The following AKAP4 variants were observed in gnomAD, a reference collection of about 807,000 sequenced individuals.
AKAP4 encodes the protein A-kinase anchoring protein 4, also known as A-kinase anchor protein 4.
AKAP4 carries 4 observed loss-of-function variants against 42.6 expected under a neutral mutation model. That is an observed-to-expected ratio of 0.09 (90% CI 0.05 to 0.22). The LOEUF (loss-of-function observed/expected upper bound fraction) is 0.22. Among genes scored for constraint, AKAP4 ranks in the 10% least tolerant of loss-of-function variants. AKAP4 has a pLI of 1.00. For missense variants in AKAP4, 551 were observed against 630.7 expected (o/e 0.87, Z 1.35); for synonymous variants, 223 against 233.0 (o/e 0.96, Z 0.39).
rs192264917 is a variant in AKAP4, at chrX:50,200,951, C to A, written c.-62G>T. On this transcript the variant is annotated 5_prime_UTR_variant, in exon 1 of 6. Coordinates refer to ENST00000358526, the MANE Select transcript of AKAP4 (RefSeq NM_003886.3). Reference sequence around the variant, plus strand: ...ATGCTGTGATGACTCTTCCAGTCTGCCTCAAGATACTGCTTTTTTCTTCAA... The same window carrying A: ...ATGCTGTGATGACTCTTCCAGTCTGACTCAAGATACTGCTTTTTTCTTCAA... 1,042 of 1,093,394 alleles carry A rather than the reference C, an allele frequency of 9.5e-4. 10 individuals are homozygous for A. The African/African-American group carries it at 0.017, about 18-fold the overall frequency. The allele number at this position is 1,093,394 out of a possible 1,213,427, so 90.1% of individuals were successfully genotyped here.
chrX:50,193,348 G>C lies in AKAP4; in HGVS notation c.1365C>G (p.Ser455=), dbSNP rs1602166447. The part of the protein sequence containing the change: ...SLSYASLKAG[S]HDPKCRNQSL... ...TCTGATTCCTGCATTTGGGATCATG[G>C]GACCCAGCTTTTAAAGATGCATATG... Residue 455 remains serine, a synonymous_variant, in exon 5 of 6, where the codon TCC becomes TCG. Transcript: ENST00000358526. 1 of 1,211,328 alleles carries C rather than the reference G, an allele frequency of 8.3e-7. No homozygotes were observed. Among genetic ancestry groups the C allele is most frequent in the Non-Finnish European group, 1.1e-6 (1 of 895,472 alleles).
At position 50,198,689 on chromosome X, in the gene AKAP4, G is replaced by C. The variant is rs782114976; in HGVS notation, c.91C>G (p.Pro31Ala). The C allele has an allele frequency of 8.3e-7, 1 of 1,209,328 alleles. No individual in the cohort carries two copies. The highest frequency in any genetic ancestry group is 1.1e-6 in the Non-Finnish European group (1 of 894,049). Reference sequence around the variant, plus strand: ...CGGTCCTGATCTTGCTGTCCTTCTGGGTTGTAGAGATCTACCTTGCACACA... The same window carrying C: ...CGGTCCTGATCTTGCTGTCCTTCTGCGTTGTAGAGATCTACCTTGCACACA... Reference protein sequence around the residue: ...RGVCKVDLYNPEGQQDQDRKV... With the variant: ...RGVCKVDLYNAEGQQDQDRKV... Residue 31 changes from proline to alanine, a missense_variant, in exon 2 of 6, where the codon CCA (proline) becomes GCA (alanine). By Grantham distance (27) the Pro-to-Ala change is conservative (BLOSUM62 -1). Coordinates refer to ENST00000358526, the MANE Select transcript of AKAP4 (RefSeq NM_003886.3).
Position 50,193,017 on chromosome X carries a change from A to G in AKAP4, c.1696T>C (p.Cys566Arg), listed in dbSNP as rs373820674. 6 of 1,211,713 alleles carry G rather than the reference A, an allele frequency of 5.0e-6. No homozygotes were observed. The highest frequency in any genetic ancestry group is 6.7e-6 in the Non-Finnish European group (6 of 895,489). ...LTQQTKGKDT[C>R]EEDCPGSTMG... ...GTGGAACCAGGACAGTCTTCTTCAC[A>G]TGTATCTTTGCCCTTAGTCTGCTGG... is the stretch of plus-strand genomic sequence containing the variant. Residue 566 changes from cysteine to arginine, a missense_variant, in exon 5 of 6, where the codon TGT becomes CGT. Cys to Arg is a radical substitution (Grantham distance 180). Transcript: ENST00000358526.
chrX:50,196,717 G>GTGT (rs1935195723), intron 4 of AKAP4, among the ~76,000 whole-genome samples, 174 bp downstream of exon 4: 3 of 111,582 alleles, frequency 2.7e-5, no homozygotes, highest in African/African-American at 9.8e-5. Context: ...AAGTACCTGG[G>GTGT]TGTTGAACTT....
At chrX:50,191,332 T>C (rs1007490759) in intron 5 of AKAP4, among the ~76,000 whole-genome samples, 1 of 111,413 alleles carries the variant, frequency 9.0e-6, no homozygotes, top group African/African-American at 3.3e-5. Context: ...ACTTCTCTAA[T>C]GACATAGATC....
Position 50,194,440 on chromosome X carries a change from A to T in AKAP4, c.277-4T>A. 1 of 1,180,849 alleles carries T rather than the reference A, an allele frequency of 8.5e-7. No individual in the cohort carries two copies. The highest frequency in any genetic ancestry group is 1.1e-6 in the Non-Finnish European group (1 of 878,611). On this transcript the variant is annotated splice_region_variant and splice_polypyrimidine_tract_variant and intron_variant, in intron 4 of 5. Coordinates refer to ENST00000358526, the MANE Select transcript of AKAP4 (RefSeq NM_003886.3). ...AAAGGCATACAGATCCCTCTGTCTA[A>T]AAAAAGAAGAAGACCTATCCATAAG...
chrX:50,195,132 T>C (rs1557204224), intron 4 of AKAP4, among the ~76,000 whole-genome samples: 2 of 112,371 alleles, frequency 1.8e-5, no homozygotes, highest in Admixed American at 9.5e-5. Flanking sequence ...TTCATTAATA[T>C]AATAGATACA....
chrX:50,190,846 G>T lies in AKAP4; in HGVS notation c.*114C>A. On this transcript the variant is annotated 3_prime_UTR_variant, in exon 6 of 6. Transcript: ENST00000358526. ...TACATTCACAGGCAACTGCTCAAGTGTATTGGGAAATACAGTTGTGTATTG... is the reference window on the plus strand; with the variant it reads ...TACATTCACAGGCAACTGCTCAAGTTTATTGGGAAATACAGTTGTGTATTG... The T allele has an allele frequency of 1.1e-6, 1 of 884,634 alleles. No homozygotes were observed. Among genetic ancestry groups the T allele is most frequent in the Non-Finnish European group, 1.6e-6 (1 of 641,018 alleles). 72.9% of individuals were successfully genotyped at this position (884,634 alleles called of 1,213,427 possible). A position where few individuals can be genotyped will look rare whatever the true frequency, so the allele number is the denominator to read the frequency against.
intron 5 of AKAP4, among the ~76,000 whole-genome samples, chrX:50,191,680 G>GAGAGAGAC (rs1935114559): frequency 5.6e-5 from 6 of 107,210 alleles, no homozygotes; most frequent in African/African-American, 2.0e-4. Context: ...AAGAGAGAGA[G>GAGAGAGAC]AGAGAGACAG....
chrX:50,195,578 G>A (rs1935180152), intron 4 of AKAP4, among the ~76,000 whole-genome samples: 1 of 111,311 alleles, frequency 9.0e-6, no homozygotes, highest in Admixed American at 9.5e-5. Context: ...GTGTAATATG[G>A]GTGTTTATGT....
chrX:50,190,915 G>C lies in AKAP4; in HGVS notation c.*45C>G. On this transcript the variant is annotated 3_prime_UTR_variant, in exon 6 of 6. Transcript: ENST00000358526. ...TGGTGGGGGTGCTCTGGCTGGGATG[G>C]AATGCTGCTAGGGGGGCTAAGATGA... 1 of 1,201,646 alleles carries C rather than the reference G, an allele frequency of 8.3e-7. No individual in the cohort carries two copies. The highest frequency in any genetic ancestry group is 1.1e-6 in the Non-Finnish European group (1 of 889,791).
chrX:50,194,264 G>C lies in AKAP4; in HGVS notation c.449C>G (p.Ala150Gly), dbSNP rs782546102. The change falls in exon 5 of 6, where the codon GCA (alanine) becomes GGA (glycine). Residue 150 changes from alanine (A) to glycine (G), a missense_variant. Ala to Gly is a moderately conservative substitution (Grantham distance 60). Coordinates refer to ENST00000358526, the MANE Select transcript of AKAP4 (RefSeq NM_003886.3). ...VGDTEGEYHRASSENCYSVYA... is the reference protein window; with the variant it reads ...VGDTEGEYHRGSSENCYSVYA... Reference sequence around the variant, plus strand: ...GACACTGTAGCAGTTCTCAGAGGATGCTCTGTGATATTCGCCCTCTGTGTC... The same window carrying C: ...GACACTGTAGCAGTTCTCAGAGGATCCTCTGTGATATTCGCCCTCTGTGTC... The C allele has an allele frequency of 2.4e-5, 29 of 1,207,815 alleles. No homozygotes were observed. The African/African-American group carries it at 4.6e-4, about 19-fold the overall frequency.
Position 50,192,859 on chromosome X carries a change from G to T in AKAP4, c.1854C>A (p.His618Gln). 1.7e-6 allele frequency: 2 copies of T among 1,211,919 alleles called. No individual in the cohort carries two copies. Among genetic ancestry groups the T allele is most frequent in the Non-Finnish European group, 1.1e-6 (1 of 895,519 alleles). The change falls in exon 5 of 6, where the codon CAC (histidine) becomes CAA (glutamine). Residue 618 changes from histidine (H) to glutamine (Q), a missense_variant. Transcript: ENST00000358526. ...ACATATCCATTTTCTGGGAGTCCAGGTGTTGGTTCTCCTTTTGACAGGTGG... is the reference window on the plus strand; with the variant it reads ...ACATATCCATTTTCTGGGAGTCCAGTTGTTGGTTCTCCTTTTGACAGGTGG... ...GPSTCQKENQ[H>Q]LDSQKMDMSN...
At position 50,193,689 on chromosome X, in the gene AKAP4, A is replaced by C; in HGVS notation, c.1024T>G (p.Ser342Ala). 1.7e-6 allele frequency: 2 copies of C among 1,210,242 alleles called. No individual in the cohort carries two copies. Among genetic ancestry groups the C allele is most frequent in the East Asian group, 5.9e-5 (2 of 33,758 alleles). Residue 342 changes from serine (S) to alanine (A), a missense_variant, in exon 5 of 6, where the codon TCT (serine) becomes GCT (alanine). By Grantham distance (99) the Ser-to-Ala change is moderately conservative. Transcript: ENST00000358526. ...TTCATGAGAGAGACCATCATGTCAG[A>C]TGCCACCTGATTTGCATAAACCATG... is the stretch of plus-strand genomic sequence containing the variant. ...GLMVYANQVA[S>A]DMMVSLMKTL...
rs782299963 is a variant in AKAP4, at chrX:50,194,095, A to G, written c.618T>C (p.Ile206=). The stretch of plus-strand genomic sequence containing the variant: ...CTATAGAACATTCTCCATCAGGGGA[A>G]ATGACTGCTCTCTGAGTGCTAGGAG... ...AKPPSTQRAV[I]SPDGECSIDD... The change falls in exon 5 of 6, where the codon ATT becomes ATC. Residue 206 remains isoleucine, a synonymous_variant. Coordinates refer to ENST00000358526, the MANE Select transcript of AKAP4 (RefSeq NM_003886.3). 1 of 1,209,952 alleles carries G rather than the reference A, an allele frequency of 8.3e-7. No homozygotes were observed. Among genetic ancestry groups the G allele is most frequent in the African/African-American group, 1.7e-5 (1 of 57,196 alleles).
intron 4 of AKAP4, among the ~76,000 whole-genome samples, chrX:50,196,355 C>A (rs1381575469): frequency 9.0e-6 from 1 of 111,648 alleles, no homozygotes; most frequent in Non-Finnish European, 1.9e-5. Context: ...CAGTGCCCTC[C>A]CAAAACCAGG....
chrX:50,199,794 C>T (rs1429402918), intron 1 of AKAP4, among the ~76,000 whole-genome samples: 1 of 61,010 alleles, frequency 1.6e-5, no homozygotes, highest in Non-Finnish European at 3.1e-5. Context: ...CCCCACTCCC[C>T]TCCCTCCCTC....
At position 50,193,113 on chromosome X, in the gene AKAP4, T is replaced by C; in HGVS notation, c.1600A>G (p.Asn534Asp). 2.5e-6 allele frequency: 3 copies of C among 1,211,892 alleles called. No homozygotes were observed. The highest frequency in any genetic ancestry group is 3.3e-6 in the Non-Finnish European group (3 of 895,529). ...TTGGCCAGTGAATCTGTGGAAGCAT[T>C]GATCTTTTCTCCTTTCTCATCTTTA... is the stretch of plus-strand genomic sequence containing the variant. ...SNKDEKGEKI[N>D]ASTDSLAKDL... The change falls in exon 5 of 6, where the codon AAT (asparagine) becomes GAT (aspartate). Residue 534 changes from asparagine to aspartate, a missense_variant. Transcript: ENST00000358526.
At chrX:50,196,134 T>C (rs1935189302) in intron 4 of AKAP4, among the ~76,000 whole-genome samples, 1 of 112,117 alleles carries the variant, frequency 8.9e-6, no homozygotes, top group Admixed American at 9.5e-5. Flanking sequence ...AACTGAAAAC[T>C]CTTTGGATAC....
Sources: gnomAD v4.1 joint callset for allele counts (sites outside exome capture counted in the v4.1 genomes callset) on GRCh38, gnomAD v4.1.1 for gene constraint, MANE v1.5 for transcripts, NCBI Gene and HGNC (gene_info 2026-07-23, HGNC 2026-07-21) for gene names.